Variants in RGS22 observed in about 807,000 individuals in gnomAD.
The protein encoded by RGS22 is regulator of G-protein signaling 22.
In RGS22, 148 loss-of-function variants were observed where a neutral mutation model predicts 172.9. That is an observed-to-expected ratio of 0.86 (90% CI 0.75 to 0.98). The LOEUF (loss-of-function observed/expected upper bound fraction) is 0.98, where lower values mean the gene tolerates loss of function less well. Among genes scored for constraint, RGS22 ranks in the 50% least tolerant of loss-of-function variants. The probability of loss-of-function intolerance (pLI) is 0.00; values close to 1 mark genes in which losing one functional copy is unlikely to be tolerated. For synonymous variants in RGS22, 458 were observed against 480.2 expected, an observed-to-expected ratio of 0.95 and a Z score of 0.60; for missense variants, 1,347 against 1,440.8, an observed-to-expected ratio of 0.93 and a Z score of 1.05.
intron 21 of RGS22, among the ~76,000 whole-genome samples, chr8:99,983,882 G>A (rs1011566897): frequency 9.9e-5 from 15 of 152,188 alleles, no homozygotes; most frequent in Admixed American, 7.2e-4. Context: ...TGTCTTTCAT[G>A]TAAAACTTTA....
intron 4 of RGS22, among the ~76,000 whole-genome samples, chr8:100,072,489 TCCA>T (rs1811060626): frequency 6.6e-6 from 1 of 151,992 alleles, no homozygotes. Flanking sequence ...ACAAATCGAA[TCCA>T]GAGAAGTTAA....
intron 20 of RGS22, among the ~76,000 whole-genome samples, chr8:99,991,259 A>G (rs1650291046): frequency 6.6e-6 from 1 of 152,210 alleles, no homozygotes; most frequent in Admixed American, 6.5e-5. Flanking sequence ...CAGGATGGAC[A>G]ATGACTTTGA....
chr8:99,967,087 G>A (rs920536952), intron 23 of RGS22, among the ~76,000 whole-genome samples: 1 of 152,180 alleles, frequency 6.6e-6, no homozygotes. Flanking sequence ...GCAGAAGCAG[G>A]GTGGGGTGTT....
chr8:100,096,507 A>T (rs908552048), intron 2 of RGS22, among the ~76,000 whole-genome samples: 7 of 152,184 alleles, frequency 4.6e-5, no homozygotes, highest in African/African-American at 1.7e-4. Context: ...TCTTACTGAA[A>T]GAGGGTTAAC....
chr8:100,047,313 A>C, intron 11 of RGS22, 150 bp downstream of exon 11: 1 of 529,550 alleles, frequency 1.9e-6, no homozygotes, highest in Non-Finnish European at 3.0e-6. Flanking sequence ...GTATTCATGC[A>C]AAGTATAAGC....
chr8:100,032,307 A>G (rs756751566), intron 14 of RGS22, among the ~76,000 whole-genome samples: 2 of 152,194 alleles, frequency 1.3e-5, no homozygotes, highest in Non-Finnish European at 2.9e-5. Context: ...GCTCAAAATA[A>G]AGGGATGGAG....
chr8:100,012,973 C>A (rs1283366402), intron 14 of RGS22, among the ~76,000 whole-genome samples: 1 of 146,250 alleles, frequency 6.8e-6, no homozygotes, highest in Non-Finnish European at 1.5e-5. Context: ...AGGATAACGC[C>A]TTTGATTTTT....
At chr8:100,019,301 TTTG>T (rs1694304774) in intron 14 of RGS22, among the ~76,000 whole-genome samples, 1 of 152,256 alleles carries the variant, frequency 6.6e-6, no homozygotes, top group Admixed American at 6.5e-5. Flanking sequence ...CATGTGTTGA[TTTG>T]TTATGTTACA....
At chr8:100,046,404 CTTGTT>C (rs1586107950) in intron 11 of RGS22, 2 of 151,724 alleles carry the variant, frequency 1.3e-5, no homozygotes, top group East Asian at 1.9e-4. Flanking sequence ...TGTCTTTTCA[CTTGTT>C]TTATCACTTG....
chr8:100,038,363 C>A (rs894336790), intron 14 of RGS22, among the ~76,000 whole-genome samples: 1 of 151,510 alleles, frequency 6.6e-6, no homozygotes, highest in Non-Finnish European at 1.5e-5. Flanking sequence ...CTCTATTTGG[C>A]TTCAGGGTGG....
rs201355005 is a variant in RGS22 at position 99,981,923 on chromosome 8, C to A, written c.3360+14G>T. The A allele has an allele frequency of 1.3e-6, 2 of 1,598,958 alleles. No homozygotes were observed. Among genetic ancestry groups the A allele is most frequent in the African/African-American group, 2.7e-5 (2 of 74,148 alleles). ...ATTTTAAAATATGCTTAGCCACATG[C>A]CCTGATCTCTTACCTGTGCCTCTCT... On this transcript the variant is annotated intron_variant, in intron 22 of 27. Transcript: ENST00000360863.
rs778019213 is a variant in RGS22, at chr8:99,962,396, T to C, written c.*43A>G. The C allele has an allele frequency of 9.9e-6, 16 of 1,609,792 alleles. No individual in the cohort carries two copies. The highest frequency in any genetic ancestry group is 1.4e-5 in the Non-Finnish European group (16 of 1,176,122). ...CCAACATTCAGACTATGACGTACCTTGAACCTATCAGCAGCAGGATGTAAA... is the reference window on the plus strand; with the variant it reads ...CCAACATTCAGACTATGACGTACCTCGAACCTATCAGCAGCAGGATGTAAA... On this transcript the variant is annotated splice_region_variant and 3_prime_UTR_variant, in exon 27 of 28. Transcript: ENST00000360863.
At position 99,987,518 on chromosome 8, in the gene RGS22, A is replaced by T. The variant is rs764023368; in HGVS notation, c.3120T>A (p.Ala1040=). The T allele has an allele frequency of 2.0e-5, 32 of 1,611,900 alleles. No individual in the cohort carries two copies. Among genetic ancestry groups the T allele is most frequent in the Non-Finnish European group, 2.5e-5 (29 of 1,178,882 alleles). Residue 1040 remains alanine, a synonymous_variant, in exon 21 of 28, where the codon GCT becomes GCA. Transcript: ENST00000360863. Reference sequence around the variant, plus strand: ...CATTTTCCAATAAATCTCCTTTTAGAGCCACAAAACGTTGAAATTGTCTTG... The same window carrying T: ...CATTTTCCAATAAATCTCCTTTTAGTGCCACAAAACGTTGAAATTGTCTTG... The part of the protein sequence containing the change: ...VTSRQFQRFV[A]LKGDLLENGL...
At chr8:100,014,086 A>T (rs553471126) in intron 14 of RGS22, among the ~76,000 whole-genome samples, 2 of 152,166 alleles carry the variant, frequency 1.3e-5, no homozygotes, top group African/African-American at 4.8e-5. Context: ...TATCTTCCAC[A>T]TAACTGGGAA....
chr8:100,005,897 C>T, intron 16 of RGS22, 120 bp downstream of exon 16: 1 of 612,566 alleles, frequency 1.6e-6, no homozygotes, highest in Admixed American at 3.2e-5. Flanking sequence ...AAAGGAACAG[C>T]AGAAAAATGA....
intron 12 of RGS22, 46 bp from the exon 13 acceptor site, chr8:100,040,133 A>ATT: frequency 1.9e-6 from 3 of 1,556,766 alleles, no homozygotes; most frequent in Non-Finnish European, 2.6e-6. Context: ...AAACATTGTA[A>ATT]TTTTTTTATG....
intron 14 of RGS22, among the ~76,000 whole-genome samples, chr8:100,035,937 A>C (rs978535973): frequency 6.6e-6 from 1 of 152,156 alleles, no homozygotes. Context: ...GGCAGAGAAC[A>C]TCACACACTG....
In RGS22 at chr8:100,105,369, C is replaced by T. The variant is rs776629051; in HGVS notation, c.54+5G>A. ...AAAAAAATAGCCCCTTGAAATGATACTTACAAATTCTTCTTCTGTAATAGT... is the reference window on the plus strand; with the variant it reads ...AAAAAAATAGCCCCTTGAAATGATATTTACAAATTCTTCTTCTGTAATAGT... On this transcript the variant is annotated splice_donor_5th_base_variant and intron_variant, in intron 2 of 27. Coordinates refer to ENST00000360863, the MANE Select transcript of RGS22 (RefSeq NM_015668.5). 6 of 1,606,000 alleles carry T rather than the reference C, an allele frequency of 3.7e-6. No individual in the cohort carries two copies. The South Asian group carries it at 6.6e-5, about 18-fold the overall frequency.
intron 2 of RGS22, among the ~76,000 whole-genome samples, chr8:100,096,671 ATT>A (rs74275402): frequency 8.6e-4 from 119 of 138,060 alleles, no homozygotes; most frequent in African/African-American, 2.6e-3. Context: ...TTTAAAAAAA[ATT>A]TTTTTTTTTT....
Sources: gnomAD v4.1 joint callset for allele counts (sites outside exome capture counted in the v4.1 genomes callset) on GRCh38, gnomAD v4.1.1 for gene constraint, MANE v1.5 for transcripts, NCBI Gene and HGNC (gene_info 2026-07-23, HGNC 2026-07-21) for gene names.